SOX5: variants seen among roughly 807,000 people sequenced by gnomAD.
The protein encoded by SOX5 is transcription factor SOX-5.
Under a neutral mutation model 92.0 loss-of-function variants are expected in SOX5, and 9 were observed. That is an observed-to-expected ratio of 0.10 (90% confidence interval 0.06 to 0.17). The LOEUF is 0.17. Among genes scored for constraint, SOX5 ranks in the 10% least tolerant of loss-of-function variants. SOX5 has a pLI of 1.00. For synonymous variants in SOX5, 344 were observed against 336.3 expected (o/e 1.02, Z -0.25); for missense variants, 642 against 944.5 (o/e 0.68, Z 4.20).
At chr12:23,817,446 T>C (rs774269827) in intron 3 of SOX5, among the ~76,000 whole-genome samples, 1 of 152,214 alleles carries the variant, frequency 6.6e-6, no homozygotes, top group Non-Finnish European at 1.5e-5. Context: ...TTCTTTACAG[T>C]TGTAAACTTT....
intron 1 of SOX5, among the ~76,000 whole-genome samples, chr12:24,471,893 T>C (rs1347905090): frequency 6.6e-6 from 1 of 152,020 alleles, no homozygotes; most frequent in Non-Finnish European, 1.5e-5. Flanking sequence ...TCAGAGCCTA[T>C]AGATCTAAAC....
chr12:24,239,581 G>A (rs188445536), intron 3 of SOX5, among the ~76,000 whole-genome samples: 1 of 152,284 alleles, frequency 6.6e-6, no homozygotes, highest in East Asian at 1.9e-4. Context: ...ATACTGTCTG[G>A]ATTAGCAGCT....
At chr12:23,781,463 A>T (rs2095278158) in intron 3 of SOX5, among the ~76,000 whole-genome samples, 1 of 152,060 alleles carries the variant, frequency 6.6e-6, no homozygotes, top group Non-Finnish European at 1.5e-5. Flanking sequence ...GCCTTTTCTA[A>T]CATAAAAAGG....
chr12:24,027,891 C>T lies in SOX5; in HGVS notation c.-1-131867G>A, dbSNP rs1290617690. On this transcript the variant is annotated intron_variant, in intron 4 of 4. Transcript: ENST00000446891. ...AAACCAGTCACAACAGACTTTTCCC[C>T]TCACACCACAAGTCCACGAAAAACA... is the stretch of plus-strand genomic sequence containing the variant. Among the ~76,000 whole-genome samples the T allele has an allele frequency of 3.3e-5, 5 of 151,938 alleles. No homozygotes were observed. In the East Asian group the frequency reaches 9.7e-4, roughly 29 times the overall value.
At chr12:23,668,556 T>C (rs1378780113) in intron 6 of SOX5, among the ~76,000 whole-genome samples, 7 of 152,336 alleles carry the variant, frequency 4.6e-5, no homozygotes, top group African/African-American at 1.4e-4. Flanking sequence ...TAATTCATTC[T>C]ATATATTTTC....
intron 6 of SOX5, among the ~76,000 whole-genome samples, chr12:23,730,217 GA>G (rs139355809): frequency 2.0e-5 from 3 of 151,472 alleles, no homozygotes; most frequent in Non-Finnish European, 3.0e-5. Flanking sequence ...GAGTAAGAGG[GA>G]AAAAAAAGAG....
chr12:24,189,483 T>G (rs1221638810), intron 4 of SOX5, among the ~76,000 whole-genome samples: 1 of 151,950 alleles, frequency 6.6e-6, no homozygotes, highest in Non-Finnish European at 1.5e-5. Context: ...ACTAAATGAG[T>G]AGATAGTTTC....
rs1445255377 is a variant in SOX5 at position 23,753,028 on chromosome 12, G to C, written c.568+2610C>G. Among the ~76,000 whole-genome samples the C allele has an allele frequency of 3.9e-5, 6 of 151,926 alleles. No individual in the cohort carries two copies. The East Asian group carries it at 1.2e-3, about 29-fold the overall frequency. On this transcript the variant is annotated intron_variant, in intron 4 of 14. Transcript: ENST00000451604. The stretch of plus-strand genomic sequence containing the variant: ...GAAAAATAACTTTATGCTCTTAGAA[G>C]TAGGTGACCTTTACTAACTCACATT...
At chr12:24,282,385 AAAATAAAT>A (rs143690567) in intron 2 of SOX5, among the ~76,000 whole-genome samples, 1 of 151,568 alleles carries the variant, frequency 6.6e-6, no homozygotes, top group African/African-American at 2.4e-5. Context: ...TAAAAATTAA[AAAATAAAT>A]AAATAAAAAT....
chr12:23,697,542 T>G (rs2140147652), intron 6 of SOX5, among the ~76,000 whole-genome samples: 1 of 152,284 alleles, frequency 6.6e-6, no homozygotes, highest in East Asian at 1.9e-4. Flanking sequence ...AATTTACATT[T>G]ATTTATCATG....
chr12:24,375,792 G>C (rs1207277426), intron 1 of SOX5, among the ~76,000 whole-genome samples: 1 of 148,176 alleles, frequency 6.7e-6, no homozygotes, highest in African/African-American at 2.5e-5. Context: ...ATTTTTCTTT[G>C]TATATTAAAG....
At chr12:24,456,981 C>A (rs1237050667) in intron 1 of SOX5, among the ~76,000 whole-genome samples, 3 of 152,162 alleles carry the variant, frequency 2.0e-5, no homozygotes, top group African/African-American at 7.2e-5. Flanking sequence ...AATGTCATCC[C>A]TTAACTAGGC....
upstream of SOX5, among the ~76,000 whole-genome samples, chr12:23,951,984 T>A (rs1945714564): frequency 2.0e-5 from 3 of 152,204 alleles, no homozygotes. Flanking sequence ...TCTAATATAC[T>A]CTAATGGATA....
chr12:24,094,480 T>C (rs1271685111), intron 4 of SOX5, among the ~76,000 whole-genome samples: 1 of 150,648 alleles, frequency 6.6e-6, no homozygotes, highest in Non-Finnish European at 1.5e-5. Flanking sequence ...TGTATTTATT[T>C]AGAGGTGTCT....
chr12:23,779,814 TACACAC>T (rs1555337311), intron 3 of SOX5, among the ~76,000 whole-genome samples: 150 of 110,798 alleles, frequency 1.4e-3, no homozygotes, highest in African/African-American at 4.4e-3. Flanking sequence ...TATATATATA[TACACAC>T]ACACACACAC....
intron 3 of SOX5, among the ~76,000 whole-genome samples, chr12:23,804,918 TATATATATATATATATATATATA>T (rs1567906771): frequency 0.052 from 210 of 4,026 alleles, 3 homozygotes; most frequent in African/African-American, 0.15. Context: ...CATTGTTTTA[TATATATATATATATATATATATA>T]TATATATATA....
At chr12:24,237,592 T>C (rs1011315111) in intron 3 of SOX5, among the ~76,000 whole-genome samples, 47 of 152,156 alleles carry the variant, frequency 3.1e-4, no homozygotes, top group African/African-American at 1.1e-3. Context: ...TAAGACTTTT[T>C]TTTTTTTTCA....
chr12:24,417,652 T>C (rs952726227), intron 1 of SOX5, among the ~76,000 whole-genome samples: 6 of 152,188 alleles, frequency 3.9e-5, no homozygotes, highest in Non-Finnish European at 5.9e-5. Context: ...AAGAAAGACC[T>C]TCAGGCAGAG....
intron 3 of SOX5, among the ~76,000 whole-genome samples, chr12:23,807,114 CCAAT>C (rs149112304): frequency 0.1 from 15,358 of 152,106 alleles, 871 homozygotes; most frequent in East Asian, 0.2. Context: ...CTTTTACACA[CCAAT>C]ATTTAATTTT....
Sources: allele counts gnomAD v4.1 joint callset (sites outside exome capture counted in the v4.1 genomes callset), GRCh38; gene constraint gnomAD v4.1.1; transcripts MANE v1.5; gene names NCBI Gene and HGNC (gene_info 2026-07-23, HGNC 2026-07-21).